ELP4: variants seen among roughly 807,000 people sequenced by gnomAD.
The protein encoded by ELP4 is elongator acetyltransferase complex subunit 4.
A neutral mutation model predicts 48.9 loss-of-function variants in ELP4; 51 were observed. That is an observed-to-expected ratio of 1.04 (90% CI 0.83 to 1.32). The LOEUF is 1.32. ELP4 is among the 40% of genes most tolerant of loss of function. The pLI is 0.00. For missense variants in ELP4, 519 were observed against 514.6 expected (o/e 1.01, Z -0.08); for synonymous variants, 210 against 189.2 (o/e 1.11, Z -0.90).
intron 5 of ELP4, among the ~76,000 whole-genome samples, chr11:31,614,946 A>G (rs189202856): frequency 7.3e-4 from 111 of 152,280 alleles, no homozygotes; most frequent in Middle Eastern, 3.4e-3. Flanking sequence ...TTTGCTGTAT[A>G]GGATGATATT....
chr11:31,582,446 G>GT (rs1345991220), intron 3 of ELP4, among the ~76,000 whole-genome samples: 1 of 150,230 alleles, frequency 6.7e-6, no homozygotes, highest in Non-Finnish European at 1.5e-5. Context: ...TCTGCACACT[G>GT]TTTTTTTCCA....
chr11:31,752,021 T>G (rs1213562901), intron 9 of ELP4, among the ~76,000 whole-genome samples: 1 of 152,210 alleles, frequency 6.6e-6, no homozygotes, highest in Non-Finnish European at 1.5e-5. Flanking sequence ...TCAACTAATT[T>G]TATTAAAGTA....
intron 4 of ELP4, 149 bp from the exon 5 acceptor site, chr11:31,603,619 T>C (rs886869311): frequency 6.5e-6 from 4 of 613,350 alleles, no homozygotes; most frequent in Non-Finnish European, 1.1e-5. Flanking sequence ...TGTTGTATGC[T>C]TCTTTGAAAT....
chr11:31,578,634 A>G (rs1957330903), intron 3 of ELP4, among the ~76,000 whole-genome samples: 1 of 152,128 alleles, frequency 6.6e-6, no homozygotes, highest in Non-Finnish European at 1.5e-5. Context: ...AAATAATACC[A>G]CACATCTACA....
At chr11:31,585,120 GACAA>G (rs1030418271) in intron 3 of ELP4, among the ~76,000 whole-genome samples, 2 of 152,056 alleles carry the variant, frequency 1.3e-5, no homozygotes, top group South Asian at 2.1e-4. Flanking sequence ...AATCAGTTGT[GACAA>G]ACAAAACAAG....
chr11:31,542,224 G>T (rs933100665), intron 3 of ELP4, among the ~76,000 whole-genome samples: 1 of 152,148 alleles, frequency 6.6e-6, no homozygotes, highest in African/African-American at 2.4e-5. Context: ...GTGTTTCCAA[G>T]CCACAGTGCA....
intron 9 of ELP4, among the ~76,000 whole-genome samples, chr11:31,668,444 T>C (rs1033410166): frequency 1.3e-5 from 2 of 152,008 alleles, no homozygotes; most frequent in African/African-American, 4.8e-5. Context: ...ATTTGTTTCA[T>C]ACATCACAAA....
intron 3 of ELP4, among the ~76,000 whole-genome samples, chr11:31,551,362 G>C (rs1036099412): frequency 1.2e-4 from 19 of 152,024 alleles, no homozygotes; most frequent in Non-Finnish European, 2.5e-4. Context: ...ATTTCTTTGG[G>C]ACATTGTCCC....
intron 2 of ELP4, among the ~76,000 whole-genome samples, chr11:31,528,483 T>G (rs1321388913): frequency 6.6e-6 from 1 of 152,200 alleles, no homozygotes; most frequent in Non-Finnish European, 1.5e-5. Context: ...GCTATTTTAC[T>G]TTTCTACTTC....
chr11:31,777,240 G>T (rs1592303350), intron 9 of ELP4, among the ~76,000 whole-genome samples: 3 of 151,772 alleles, frequency 2.0e-5, no homozygotes, highest in Non-Finnish European at 4.4e-5. Context: ...ATACTATGAT[G>T]GTGAACATAG....
intron 3 of ELP4, among the ~76,000 whole-genome samples, chr11:31,547,024 G>A (rs1483547788): frequency 6.6e-6 from 1 of 152,010 alleles, no homozygotes; most frequent in Non-Finnish European, 1.5e-5. Context: ...ATGCCCACAA[G>A]AGAAAGCAGG....
At chr11:31,547,814 A>G (rs1361891079) in intron 3 of ELP4, among the ~76,000 whole-genome samples, 2 of 152,216 alleles carry the variant, frequency 1.3e-5, no homozygotes, top group Non-Finnish European at 2.9e-5. Flanking sequence ...CATCCCTGGG[A>G]TGCAAGGCTG....
intron 1 of ELP4, among the ~76,000 whole-genome samples, chr11:31,519,576 G>A (rs923575160): frequency 1.3e-5 from 2 of 152,212 alleles, no homozygotes; most frequent in Non-Finnish European, 2.9e-5. Context: ...TGTAATCCCA[G>A]CACTTTGGGA....
intron 3 of ELP4, among the ~76,000 whole-genome samples, chr11:31,547,472 G>T (rs1349569850): frequency 1.3e-5 from 2 of 152,152 alleles, no homozygotes; most frequent in African/African-American, 4.8e-5. Context: ...AACAACAGGA[G>T]CTGAAATTGT....
intron 3 of ELP4, among the ~76,000 whole-genome samples, chr11:31,561,975 C>G (rs573495614): frequency 2.3e-4 from 35 of 152,268 alleles, no homozygotes; most frequent in South Asian, 1.9e-3. Flanking sequence ...TCCCTTTAAA[C>G]TCCTTTTAAG....
At chr11:31,588,205 A>G (rs1957510597) in intron 3 of ELP4, among the ~76,000 whole-genome samples, 1 of 152,164 alleles carries the variant, frequency 6.6e-6, no homozygotes, top group Admixed American at 6.5e-5. Flanking sequence ...ATATGTTTAT[A>G]TAACAGTTTA....
Position 31,559,192 on chromosome 11 carries a change from A to AAGAT in ELP4, c.381+19413_381+19416dup, listed in dbSNP as rs1373862979. 3.3e-5 allele frequency among the ~76,000 whole-genome samples: 5 copies of AAGAT among 152,308 alleles called. No individual in the cohort carries two copies. In the South Asian group the frequency reaches 8.3e-4, roughly 25 times the overall value. ...TAACTTTACTGTGGAAACCCCAAAG[A>AAGAT]AGATAGAGCTCTCTCTCCAGCTAGT... On this transcript the variant is annotated intron_variant, in intron 3 of 9. Transcript: ENST00000640961.
intron 4 of ELP4, 67 bp downstream of exon 4, chr11:31,594,968 T>C: frequency 7.5e-7 from 1 of 1,339,780 alleles, no homozygotes; most frequent in Non-Finnish European, 1.0e-6. Context: ...CAGAATCTCT[T>C]GTGGTATGCC....
intron 5 of ELP4, among the ~76,000 whole-genome samples, chr11:31,626,118 C>T (rs1944739037): frequency 6.6e-6 from 1 of 151,786 alleles, no homozygotes; most frequent in African/African-American, 2.4e-5. Context: ...TTTCCTGAAC[C>T]ACCTACCATT....
Sources: allele counts gnomAD v4.1 joint callset (sites outside exome capture counted in the v4.1 genomes callset), GRCh38; gene constraint gnomAD v4.1.1; transcripts MANE v1.5; gene names NCBI Gene and HGNC (gene_info 2026-07-23, HGNC 2026-07-21).